The following BRINP2 variants were observed in gnomAD, a reference collection of about 807,000 sequenced individuals.
The protein encoded by BRINP2 is BMP/retinoic acid-inducible neural-specific protein 2.
Under a neutral mutation model 69.2 loss-of-function variants are expected in BRINP2, and 21 were observed. That is an observed-to-expected ratio of 0.30 (90% CI 0.22 to 0.44). The LOEUF is 0.44. Among genes scored for constraint, BRINP2 ranks in the 20% least tolerant of loss-of-function variants. The pLI is 1.00. For missense variants in BRINP2, 877 were observed against 986.0 expected, an observed-to-expected ratio of 0.89 and a Z score of 1.48; for synonymous variants, 380 against 394.1, an observed-to-expected ratio of 0.96 and a Z score of 0.42.
Position 177,280,865 on chromosome 1 carries a change from G to A in BRINP2, c.1689G>A (p.Leu563=). The change falls in exon 8 of 8, where the codon CTG becomes CTA. Residue 563 remains leucine (L), a synonymous_variant. Transcript: ENST00000361539. ...TLKSNKYKPG[L]VHVMLALSLQ... is the part of the protein sequence containing the mutation. ...AGAGCAACAAGTACAAGCCTGGGCT[G>A]GTGCACGTGATGTTGGCCTTGTCCT... is the stretch of plus-strand genomic sequence containing the variant. 1 of 1,614,144 alleles carries A rather than the reference G, an allele frequency of 6.2e-7. No individual in the cohort carries two copies.
chr1:177,174,086 T>C (rs1162950618), intron 1 of BRINP2, among the ~76,000 whole-genome samples: 5 of 152,202 alleles, frequency 3.3e-5, no homozygotes, highest in Non-Finnish European at 5.9e-5. Context: ...TATCTTTGAT[T>C]ACCCTAAGAA....
chr1:177,254,410 T>C (rs540381761), intron 2 of BRINP2, among the ~76,000 whole-genome samples: 2 of 147,194 alleles, frequency 1.4e-5, no homozygotes, highest in South Asian at 2.1e-4. Context: ...ACACACACAC[T>C]ATCTTCACTT....
chr1:177,244,935 C>T (rs559864491), intron 2 of BRINP2, among the ~76,000 whole-genome samples: 1 of 152,072 alleles, frequency 6.6e-6, no homozygotes, highest in Non-Finnish European at 1.5e-5. Context: ...AGTCACAAAG[C>T]CAAACCCAAT....
chr1:177,234,669 A>G (rs373668350), intron 2 of BRINP2, among the ~76,000 whole-genome samples: 52 of 152,342 alleles, frequency 3.4e-4, no homozygotes, highest in African/African-American at 1.2e-3. Context: ...GAGGAAAGCA[A>G]TGCTGAATGG....
At chr1:177,209,106 A>G (rs1014405027) in intron 1 of BRINP2, among the ~76,000 whole-genome samples, 1 of 152,060 alleles carries the variant, frequency 6.6e-6, no homozygotes, top group Non-Finnish European at 1.5e-5. Flanking sequence ...GGTGCCATTC[A>G]CTTAGGCTAC....
intron 1 of BRINP2, among the ~76,000 whole-genome samples, chr1:177,197,334 G>A (rs567621555): frequency 6.6e-6 from 1 of 152,204 alleles, no homozygotes; most frequent in Non-Finnish European, 1.5e-5. Context: ...CATGAGAACA[G>A]CACCAAAGGG....
At chr1:177,221,294 A>G (rs1649525041) in intron 1 of BRINP2, among the ~76,000 whole-genome samples, 1 of 152,212 alleles carries the variant, frequency 6.6e-6, no homozygotes, top group South Asian at 2.1e-4. Context: ...CACAGTAACT[A>G]ATATGTAAAC....
chr1:177,219,998 GA>G (rs1649478801), intron 1 of BRINP2, among the ~76,000 whole-genome samples: 1 of 152,196 alleles, frequency 6.6e-6, no homozygotes, highest in South Asian at 2.1e-4. Context: ...GATTGAAGTA[GA>G]TGACTAAGCC....
intron 1 of BRINP2, among the ~76,000 whole-genome samples, chr1:177,218,793 C>T (rs1165253669): frequency 6.6e-6 from 1 of 152,162 alleles, no homozygotes; most frequent in Non-Finnish European, 1.5e-5. Context: ...GAGTTTGATT[C>T]AGTTCCATGG....
chr1:177,219,580 C>A (rs1393057080), intron 1 of BRINP2, among the ~76,000 whole-genome samples: 1 of 152,256 alleles, frequency 6.6e-6, no homozygotes, highest in Non-Finnish European at 1.5e-5. Flanking sequence ...ACAGCTGCAT[C>A]TGTAACATCT....
At chr1:177,272,195 T>A (rs1161346808) in intron 4 of BRINP2, among the ~76,000 whole-genome samples, 1 of 152,222 alleles carries the variant, frequency 6.6e-6, no homozygotes, top group African/African-American at 2.4e-5. Flanking sequence ...CTTCTGCTAC[T>A]TCCTCTCTTG....
intron 2 of BRINP2, among the ~76,000 whole-genome samples, chr1:177,235,812 C>T (rs187047517): frequency 2.2e-4 from 33 of 152,236 alleles, no homozygotes; most frequent in East Asian, 1.2e-3. Flanking sequence ...TACATTATCA[C>T]GCGGCTTCAG....
At position 177,281,652 on chromosome 1, in the gene BRINP2, T is replaced by A; in HGVS notation, c.*124T>A. The A allele has an allele frequency of 7.5e-7, 1 of 1,327,530 alleles. No homozygotes were observed. The highest frequency in any genetic ancestry group is 1.0e-6 in the Non-Finnish European group (1 of 979,642). 82.2% of individuals were successfully genotyped at this position (1,327,530 alleles called of 1,614,324 possible). On this transcript the variant is annotated 3_prime_UTR_variant, in exon 8 of 8. Transcript: ENST00000361539. ...CACGAGACTTTCAGCATCCAGTAGA[T>A]GGGACCTCGAGGCTCGAGCTGAAGC...
At chr1:177,173,888 G>T (rs1648011728) in intron 1 of BRINP2, among the ~76,000 whole-genome samples, 1 of 152,198 alleles carries the variant, frequency 6.6e-6, no homozygotes, top group Non-Finnish European at 1.5e-5. Flanking sequence ...TGCTGACTGG[G>T]ATGCTTAGTT....
intron 1 of BRINP2, among the ~76,000 whole-genome samples, chr1:177,186,683 G>C (rs942284679): frequency 1.3e-5 from 2 of 152,058 alleles, no homozygotes; most frequent in African/African-American, 2.4e-5. Context: ...TGTGGGATTT[G>C]GGTCACTGGG....
At chr1:177,256,339 G>A (rs1650757460) in intron 3 of BRINP2, 1 of 985,392 alleles carries the variant, frequency 1.0e-6, no homozygotes, top group East Asian at 1.1e-4. Context: ...GCGGTTGGAG[G>A]TGGACAGGCT....
In BRINP2 at chr1:177,280,735, A is replaced by G; in HGVS notation, c.1559A>G (p.Lys520Arg). The change falls in exon 8 of 8, where the codon AAG (lysine) becomes AGG (arginine). Residue 520 changes from lysine to arginine, a missense_variant. This residue lies in a region of BRINP2 where 86 missense variants were observed against 142.1 expected (regional missense o/e 0.61). Transcript: ENST00000361539. ...QDLELKYLLQKQDSRIEVHSI... is the reference protein window; with the variant it reads ...QDLELKYLLQRQDSRIEVHSI... Reference sequence around the variant, plus strand: ...CTGGAGCTAAAGTACCTGCTGCAGAAGCAGGATAGCCGCATTGAGGTACAC... The same window carrying G: ...CTGGAGCTAAAGTACCTGCTGCAGAGGCAGGATAGCCGCATTGAGGTACAC... 6.2e-7 allele frequency: 1 copy of G among 1,614,230 alleles called. No individual in the cohort carries two copies. Among genetic ancestry groups the G allele is most frequent in the Non-Finnish European group, 8.5e-7 (1 of 1,180,036 alleles).
intron 1 of BRINP2, among the ~76,000 whole-genome samples, chr1:177,179,141 A>G (rs1648173260): frequency 6.6e-6 from 1 of 152,224 alleles, no homozygotes; most frequent in African/African-American, 2.4e-5. Context: ...TTACTATGGT[A>G]TCCAGAAAAA....
chr1:177,220,137 A>G (rs1269355829), intron 1 of BRINP2, among the ~76,000 whole-genome samples: 1 of 152,184 alleles, frequency 6.6e-6, no homozygotes, highest in East Asian at 1.9e-4. Context: ...ACTCTAAGAG[A>G]GGGTGCAGTC....
Sources: allele counts gnomAD v4.1 joint callset (sites outside exome capture counted in the v4.1 genomes callset), GRCh38; gene constraint gnomAD v4.1.1; regional missense constraint gnomAD v4.1.1; transcripts MANE v1.5; gene names NCBI Gene and HGNC (gene_info 2026-07-23, HGNC 2026-07-21).